MCTP1: variants seen among roughly 807,000 people sequenced by gnomAD.
MCTP1 encodes multiple C2 and transmembrane domain-containing protein 1.
A neutral mutation model predicts 120.6 loss-of-function variants in MCTP1; 69 were observed. The observed-to-expected ratio is 0.57, with a 90% CI of 0.47 to 0.70. The LOEUF (loss-of-function observed/expected upper bound fraction) is 0.70. MCTP1 is among the 30% of genes least tolerant of loss of function. MCTP1 has a pLI of 0.00. For synonymous variants in MCTP1, 529 were observed against 493.1 expected (o/e 1.07, Z -0.96); for missense variants, 1,203 against 1,248.8 (o/e 0.96, Z 0.55).
rs1766969586 is a variant in MCTP1, at chr5:94,746,666, T to C, written c.2611-31780A>G. ...ATTCATCTCTTTAAAATGAACTTAA[T>C]TTCCTGTTTCTTTGTCTTCTCATGC... On this transcript the variant is annotated intron_variant, in intron 19 of 22. Coordinates refer to ENST00000515393, the MANE Select transcript of MCTP1 (RefSeq NM_024717.7). Among the ~76,000 whole-genome samples the C allele has an allele frequency of 3.3e-5, 5 of 152,354 alleles. No individual in the cohort carries two copies. In the South Asian group the frequency reaches 1.0e-3, roughly 32 times the overall value.
At chr5:95,216,958 G>GT (rs1205462883) in intron 1 of MCTP1, among the ~76,000 whole-genome samples, 1 of 152,096 alleles carries the variant, frequency 6.6e-6, no homozygotes, top group Non-Finnish European at 1.5e-5. Context: ...AGATTTAAAT[G>GT]TTTTTCACTT....
intron 6 of MCTP1, chr5:94,929,584 G>A (rs1814028442): frequency 1.2e-6 from 1 of 802,034 alleles, no homozygotes; most frequent in South Asian, 5.7e-5. Flanking sequence ...TCATAAAACA[G>A]TAACATAGTA....
At chr5:94,966,945 C>T (rs979839188) in intron 2 of MCTP1, among the ~76,000 whole-genome samples, 5 of 152,126 alleles carry the variant, frequency 3.3e-5, no homozygotes, top group Admixed American at 2.6e-4. Flanking sequence ...TTTCTTTGTT[C>T]CCCTCAAAAC....
intron 1 of MCTP1, among the ~76,000 whole-genome samples, chr5:95,228,653 G>T (rs1257100020): frequency 6.6e-6 from 1 of 152,212 alleles, no homozygotes; most frequent in African/African-American, 2.4e-5. Flanking sequence ...AATCCCCAAT[G>T]TTGGAGGTAG....
chr5:95,157,225 G>T (rs1248100966), intron 1 of MCTP1, among the ~76,000 whole-genome samples: 1 of 152,098 alleles, frequency 6.6e-6, no homozygotes, highest in Non-Finnish European at 1.5e-5. Flanking sequence ...TAGTAGTTAG[G>T]TCTTAAAATA....
intron 1 of MCTP1, among the ~76,000 whole-genome samples, chr5:95,224,235 A>C (rs1391626890): frequency 6.6e-6 from 1 of 152,226 alleles, no homozygotes; most frequent in Non-Finnish European, 1.5e-5. Flanking sequence ...GGTTTCTAGG[A>C]TATGCAGCAG....
intron 1 of MCTP1, among the ~76,000 whole-genome samples, chr5:95,030,083 A>AG (rs1272334571): frequency 6.6e-6 from 1 of 152,210 alleles, no homozygotes. Context: ...TAGCCCTCAG[A>AG]GGGGTATATC....
intron 2 of MCTP1, among the ~76,000 whole-genome samples, chr5:94,968,553 T>C (rs1437121): frequency 0.77 from 117,043 of 152,152 alleles, 45,497 homozygotes; most frequent in African/African-American, 0.83. Flanking sequence ...TCCAAGTCAC[T>C]AATATGTGGT....
Position 95,212,169 on chromosome 5 carries a change from AG to A in MCTP1, c.720+71686del, listed in dbSNP as rs201191868. 5.9e-3 allele frequency among the ~76,000 whole-genome samples: 899 copies of A among 152,314 alleles called. 4 individuals carry two copies. The highest frequency in any genetic ancestry group is 0.021 in the African/African-American group (869 of 41,574). Reference sequence around the variant, plus strand: ...AGAAAAATCAAATAGACGCAATAAAAGATGATAAAGGGGACATCACCACCAA... The same window carrying A: ...AGAAAAATCAAATAGACGCAATAAAAATGATAAAGGGGACATCACCACCAA... On this transcript the variant is annotated intron_variant, in intron 1 of 22. Transcript: ENST00000515393.
chr5:95,187,615 T>C (rs1403006942), intron 1 of MCTP1, among the ~76,000 whole-genome samples: 1 of 152,172 alleles, frequency 6.6e-6, no homozygotes, highest in Non-Finnish European at 1.5e-5. Context: ...TTAGCCGGGA[T>C]GGTTGTGATC....
At chr5:95,114,000 T>C (rs1593463) in intron 1 of MCTP1, among the ~76,000 whole-genome samples, 116,352 of 152,106 alleles carry the variant, frequency 0.76, 45,313 homozygotes, top group Admixed American at 0.86. Context: ...ACTTTCCAGG[T>C]TCTACTTGTG....
intron 5 of MCTP1, 54 bp from the exon 6 acceptor site, chr5:94,932,045 G>A: frequency 1.6e-6 from 2 of 1,258,592 alleles, no homozygotes; most frequent in African/African-American, 1.5e-5. Context: ...ACAGAATAGG[G>A]CAGCCAGTTG....
At chr5:94,974,672 C>A in intron 2 of MCTP1, among the ~76,000 whole-genome samples, 1 of 151,246 alleles carries the variant, frequency 6.6e-6, no homozygotes. Flanking sequence ...ATAAATAAAC[C>A]TAAGTATCAA....
At chr5:95,209,601 C>A (rs1040592665) in intron 1 of MCTP1, among the ~76,000 whole-genome samples, 2 of 152,120 alleles carry the variant, frequency 1.3e-5, no homozygotes, top group East Asian at 1.9e-4. Context: ...CCCTAAAAGT[C>A]TATTTGCCAT....
At chr5:95,274,086 G>A (rs943413372) in intron 1 of MCTP1, among the ~76,000 whole-genome samples, 1 of 152,130 alleles carries the variant, frequency 6.6e-6, no homozygotes, top group Non-Finnish European at 1.5e-5. Context: ...TCCAGGGTTG[G>A]AGAGTACACG....
rs529327864 is a variant in MCTP1, at chr5:94,831,884, T to TTTAG, written c.2437-32756_2437-32753dup. On this transcript the variant is annotated intron_variant, in intron 17 of 22. Coordinates refer to ENST00000515393, the MANE Select transcript of MCTP1 (RefSeq NM_024717.7). ...TCTTCTGGTGGCAAATATTTAGATA[T>TTTAG]TTAGTTCTTGCAATAACAATAAAAA... 8.5e-3 allele frequency among the ~76,000 whole-genome samples: 1,296 copies of TTTAG among 152,326 alleles called. 5 individuals are homozygous for TTTAG. Among genetic ancestry groups the TTTAG allele is most frequent in the Middle Eastern group, 0.037 (11 of 294 alleles).
At chr5:94,926,169 A>C (rs1813067152) in intron 6 of MCTP1, among the ~76,000 whole-genome samples, 1 of 152,230 alleles carries the variant, frequency 6.6e-6, no homozygotes, top group South Asian at 2.1e-4. Flanking sequence ...GCTTTTATTA[A>C]AAGTGATATT....
chr5:94,954,013 AATATATATGCATATATATACAAAT>A (rs1334185739), intron 2 of MCTP1, among the ~76,000 whole-genome samples: 803 of 16,882 alleles, frequency 0.048, 60 homozygotes, highest in Non-Finnish European at 0.065. Context: ...TATATATACA[AATATATATGCATATATATACAAAT>A]ATATATATGC....
chr5:95,003,087 G>A (rs551266609), intron 2 of MCTP1, among the ~76,000 whole-genome samples: 2 of 152,254 alleles, frequency 1.3e-5, no homozygotes, highest in South Asian at 4.1e-4. Context: ...CTGCCATCCT[G>A]TGAAGAGGTA....
Sources: allele counts gnomAD v4.1 joint callset (sites outside exome capture counted in the v4.1 genomes callset), GRCh38; gene constraint gnomAD v4.1.1; transcripts MANE v1.5; gene names NCBI Gene and HGNC (gene_info 2026-07-23, HGNC 2026-07-21).